Variants in CDH18 observed in about 807,000 individuals in gnomAD.
CDH18 encodes the protein cadherin 18, also known as cadherin-18.
In CDH18, 31 loss-of-function variants were observed where a neutral mutation model predicts 67.9. The observed-to-expected ratio is 0.46, with a 90% CI of 0.34 to 0.62. The LOEUF (loss-of-function observed/expected upper bound fraction) is 0.62. Ranked by LOEUF, CDH18 falls within the 20% of genes least tolerant of loss-of-function variation. CDH18 has a pLI of 0.01. For missense variants in CDH18, 890 were observed against 975.5 expected (o/e 0.91, Z 1.17); for synonymous variants, 362 against 347.2 (o/e 1.04, Z -0.48).
At chr5:19,648,738 C>A (rs1304229924) in intron 5 of CDH18, among the ~76,000 whole-genome samples, 1 of 151,918 alleles carries the variant, frequency 6.6e-6, no homozygotes, top group Non-Finnish European at 1.5e-5. Flanking sequence ...TAGCTTCGAA[C>A]CAATATTATA....
At chr5:19,711,946 C>T (rs1235908764) in intron 5 of CDH18, among the ~76,000 whole-genome samples, 1 of 151,930 alleles carries the variant, frequency 6.6e-6, no homozygotes, top group Admixed American at 6.6e-5. Context: ...ACAAAATGTG[C>T]TACATATACA....
chr5:20,394,692 G>A (rs1745140247), intron 1 of CDH18, among the ~76,000 whole-genome samples: 1 of 152,030 alleles, frequency 6.6e-6, no homozygotes, highest in Non-Finnish European at 1.5e-5. Flanking sequence ...ATTCAGCAAA[G>A]ACCTCACATC....
chr5:19,671,430 T>C (rs1050832219), intron 5 of CDH18, among the ~76,000 whole-genome samples: 1 of 152,164 alleles, frequency 6.6e-6, no homozygotes, highest in African/African-American at 2.4e-5. Flanking sequence ...AGATGCTTTT[T>C]CATTTGCTAA....
At chr5:19,602,724 G>A (rs747994830) in intron 6 of CDH18, among the ~76,000 whole-genome samples, 1 of 152,000 alleles carries the variant, frequency 6.6e-6, no homozygotes, top group Non-Finnish European at 1.5e-5. Context: ...AGCATTTTGG[G>A]TGGCCAAGGC....
chr5:19,753,280 TA>T (rs1392968368), intron 3 of CDH18, among the ~76,000 whole-genome samples: 1 of 151,736 alleles, frequency 6.6e-6, no homozygotes, highest in Non-Finnish European at 1.5e-5. Context: ...TAAATAACAA[TA>T]AAAAAAGATG....
At chr5:20,481,817 G>C (rs1752829191) in intron 1 of CDH18, among the ~76,000 whole-genome samples, 1 of 150,876 alleles carries the variant, frequency 6.6e-6, no homozygotes, top group Admixed American at 6.6e-5. Context: ...CTAAGAGGAA[G>C]GTATACAACA....
intron 7 of CDH18, among the ~76,000 whole-genome samples, chr5:19,572,938 T>C (rs1741694827): frequency 6.6e-6 from 1 of 152,104 alleles, no homozygotes; most frequent in African/African-American, 2.4e-5. Context: ...CCTTGGAAAA[T>C]TGGCCTTCCC....
At chr5:20,475,067 C>T (rs1198697440) in intron 1 of CDH18, among the ~76,000 whole-genome samples, 1 of 152,090 alleles carries the variant, frequency 6.6e-6, no homozygotes, top group African/African-American at 2.4e-5. Context: ...ACTTGAGTAT[C>T]ATTTCATCTT....
chr5:20,451,989 T>A (rs1264674819), intron 1 of CDH18, among the ~76,000 whole-genome samples: 1 of 152,134 alleles, frequency 6.6e-6, no homozygotes, highest in East Asian at 1.9e-4. Flanking sequence ...AAGAAAACCA[T>A]GTAAAGAAAT....
intron 11 of CDH18, among the ~76,000 whole-genome samples, chr5:19,492,261 A>G (rs1283367322): frequency 6.6e-6 from 1 of 152,148 alleles, no homozygotes; most frequent in East Asian, 1.9e-4. Context: ...CATCAAATAA[A>G]GCACATTCCC....
chr5:19,532,479 A>G (rs751987755), intron 9 of CDH18, among the ~76,000 whole-genome samples: 3 of 152,142 alleles, frequency 2.0e-5, no homozygotes, highest in Admixed American at 6.6e-5. Flanking sequence ...TTTCGACAAG[A>G]TATTTGTATA....
intron 3 of CDH18, among the ~76,000 whole-genome samples, chr5:19,787,713 A>C (rs1375631540): frequency 1.3e-5 from 2 of 151,656 alleles, no homozygotes; most frequent in African/African-American, 2.4e-5. Context: ...ACCAAGTACA[A>C]AAGCAAAATC....
At chr5:19,717,892 A>T (rs1048396436) in intron 5 of CDH18, among the ~76,000 whole-genome samples, 11 of 152,046 alleles carry the variant, frequency 7.2e-5, no homozygotes, top group African/African-American at 4.8e-5. Flanking sequence ...ATGGTAGTTA[A>T]TGTTAAACCA....
rs77607143 is a variant in CDH18, at chr5:20,126,050, C to T, written c.-518+129394G>A. ...AACAAAACTGGAGGTCCCACACTTC[C>T]GGATTTCAAAACGAATGACATAGCT... On this transcript the variant is annotated intron_variant, in intron 2 of 14. Coordinates refer to the CDH18 transcript ENST00000507958. Among the ~76,000 whole-genome samples, 344 of 152,188 alleles carry T rather than the reference C, an allele frequency of 2.3e-3. 1 individual carries two copies. The highest frequency in any genetic ancestry group is 7.7e-3 in the African/African-American group (321 of 41,538).
At chr5:20,322,965 A>T (rs1738180728) in intron 1 of CDH18, among the ~76,000 whole-genome samples, 1 of 152,124 alleles carries the variant, frequency 6.6e-6, no homozygotes, top group African/African-American at 2.4e-5. Context: ...ATCTAGATAG[A>T]ATATCCTTTG....
At chr5:20,140,161 CT>C in intron 2 of CDH18, among the ~76,000 whole-genome samples, 1 of 152,230 alleles carries the variant, frequency 6.6e-6, no homozygotes, top group East Asian at 1.9e-4. Context: ...AGTTCATGTC[CT>C]TTGTAGGCAC....
At chr5:20,038,047 T>G (rs1740047947) in intron 2 of CDH18, among the ~76,000 whole-genome samples, 1 of 152,044 alleles carries the variant, frequency 6.6e-6, no homozygotes, top group African/African-American at 2.4e-5. Flanking sequence ...AAAAACAAAC[T>G]ACCATCAGAG....
chr5:20,002,304 G>A (rs943251567), intron 2 of CDH18, among the ~76,000 whole-genome samples: 3 of 152,104 alleles, frequency 2.0e-5, no homozygotes, highest in African/African-American at 2.4e-5. Context: ...TATGCCATTC[G>A]TTTATTTTTA....
At chr5:20,175,016 G>A (rs1737121667) in intron 2 of CDH18, among the ~76,000 whole-genome samples, 1 of 152,038 alleles carries the variant, frequency 6.6e-6, no homozygotes, top group African/African-American at 2.4e-5. Flanking sequence ...CGTTTATTTT[G>A]TGACCAATAT....
Sources: allele counts gnomAD v4.1 joint callset (sites outside exome capture counted in the v4.1 genomes callset), GRCh38; gene constraint gnomAD v4.1.1; transcripts MANE v1.5; gene names NCBI Gene and HGNC (gene_info 2026-07-23, HGNC 2026-07-21).